Variants in EZH2 observed in about 807,000 individuals in gnomAD.
EZH2 encodes enhancer of zeste 2 polycomb repressive complex 2 subunit, also known as histone-lysine N-methyltransferase EZH2.
A neutral mutation model predicts 98.4 loss-of-function variants in EZH2; 18 were observed. The observed-to-expected ratio is 0.18, with a 90% confidence interval of 0.13 to 0.27. The LOEUF (loss-of-function observed/expected upper bound fraction) is 0.27, where lower values mean the gene tolerates loss of function less well. EZH2 is among the 10% of genes least tolerant of loss of function. EZH2 has a pLI of 1.00. For synonymous variants in EZH2, 338 were observed against 312.3 expected, an observed-to-expected ratio of 1.08 and a Z score of -0.87; for missense variants, 470 against 935.1, an observed-to-expected ratio of 0.50 and a Z score of 6.49.
intron 1 of EZH2, among the ~76,000 whole-genome samples, chr7:148,859,505 A>AAC (rs138967139): frequency 2.0e-5 from 3 of 150,172 alleles, no homozygotes; most frequent in African/African-American, 4.9e-5. Context: ...TCTGTCTCAA[A>AAC]AACAACAACA....
chr7:148,860,917 C>A (rs1419149803), intron 1 of EZH2, among the ~76,000 whole-genome samples: 1 of 152,118 alleles, frequency 6.6e-6, no homozygotes, highest in African/African-American at 2.4e-5. Flanking sequence ...AAACAATCAC[C>A]TCACCTTGGC....
chr7:148,830,554 A>G (rs1809082025), intron 4 of EZH2, among the ~76,000 whole-genome samples: 1 of 152,250 alleles, frequency 6.6e-6, no homozygotes, highest in Non-Finnish European at 1.5e-5. Context: ...CAGAGTATTG[A>G]TAGTCCATTA....
intron 5 of EZH2, among the ~76,000 whole-genome samples, chr7:148,829,112 T>C (rs1808575983): frequency 6.6e-6 from 1 of 152,168 alleles, no homozygotes; most frequent in Admixed American, 6.5e-5. Context: ...TCCCCAAAAC[T>C]TTCTAGTAGA....
Position 148,836,902 on chromosome 7 carries a change from T to G in EZH2, c.247-4152A>C. 1.6e-5 allele frequency: 8 copies of G among 512,706 alleles called. 1 individual carries two copies. Among genetic ancestry groups the G allele is most frequent in the South Asian group, 1.2e-4 (8 of 65,038 alleles). The allele number at this position is 512,706 out of a possible 1,614,324, so 31.8% of individuals were successfully genotyped here. On this transcript the variant is annotated intron_variant, in intron 3 of 19. Coordinates refer to ENST00000320356, the MANE Select transcript of EZH2 (RefSeq NM_004456.5). ...GGGAAGTCAAGCCAAAAATAGTAGT[T>G]GTAGGAGTACACAACCAAACTGAGA...
intron 8 of EZH2, among the ~76,000 whole-genome samples, chr7:148,824,398 A>C (rs1807080565): frequency 6.6e-6 from 1 of 151,542 alleles, no homozygotes; most frequent in Non-Finnish European, 1.5e-5. Context: ...GACCGCATAT[A>C]CAACAGTGGT....
intron 1 of EZH2, among the ~76,000 whole-genome samples, chr7:148,856,064 A>T (rs1430259469): frequency 2.6e-5 from 4 of 152,096 alleles, no homozygotes; most frequent in Non-Finnish European, 4.4e-5. Context: ...ATGTCAGGGG[A>T]TCTCAGGATA....
At position 148,810,861 on chromosome 7, in the gene EZH2, A is replaced by C. The variant is rs368745330; in HGVS notation, c.1948-447T>G. 4.0e-4 allele frequency among the ~76,000 whole-genome samples: 54 copies of C among 136,536 alleles called. No homozygotes were observed. The East Asian group carries it at 8.7e-3, about 22-fold the overall frequency. The allele number at this position is 136,536 out of a possible 152,430, so 89.6% of individuals were successfully genotyped here. ...CGGTGAGCCAAAATCACGCCATTGC[A>C]CTCCGGCCTGGGCAACAAGAGCGAA... On this transcript the variant is annotated intron_variant, in intron 16 of 19. Transcript: ENST00000320356.
intron 8 of EZH2, among the ~76,000 whole-genome samples, chr7:148,823,337 C>G (rs552022555): frequency 6.6e-6 from 1 of 152,276 alleles, no homozygotes; most frequent in South Asian, 2.1e-4. Context: ...TCCAAATGGT[C>G]ACCATTAGAG....
intron 1 of EZH2, among the ~76,000 whole-genome samples, chr7:148,872,530 C>T (rs1819573897): frequency 6.6e-6 from 1 of 152,108 alleles, no homozygotes; most frequent in Non-Finnish European, 1.5e-5. Context: ...GATTTAGAAA[C>T]TACATGTATA....
intron 7 of EZH2, 33 bp from the exon 8 acceptor site, chr7:148,826,665 T>A (rs535187418): frequency 2.1e-6 from 3 of 1,428,446 alleles, no homozygotes; most frequent in South Asian, 1.8e-5. Flanking sequence ...TAAGTAAACA[T>A]GAAACAAAAA....
chr7:148,836,594 G>A (rs754578144), intron 3 of EZH2, among the ~76,000 whole-genome samples: 21 of 152,120 alleles, frequency 1.4e-4, no homozygotes, highest in South Asian at 2.1e-4. Flanking sequence ...TCAGAGCCAT[G>A]TGTCCTGGAC....
intron 1 of EZH2, among the ~76,000 whole-genome samples, chr7:148,873,378 G>A (rs1038483337): frequency 1.3e-5 from 2 of 151,098 alleles, no homozygotes; most frequent in African/African-American, 4.9e-5. Flanking sequence ...TGTAATCCCA[G>A]CTACCTGGGA....
rs115736806 is a variant in EZH2 at position 148,872,133 on chromosome 7, G to A, written c.-8+12031C>T. ...TTAAAATGCAGTCTATACATACAAC[G>A]AAATAGTATACAGCCTTTACAGAAA... On this transcript the variant is annotated intron_variant, in intron 1 of 19. Coordinates refer to ENST00000320356, the MANE Select transcript of EZH2 (RefSeq NM_004456.5). Among the ~76,000 whole-genome samples the A allele has an allele frequency of 1.5e-3, 229 of 152,238 alleles. 2 individuals carry two copies. The highest frequency in any genetic ancestry group is 5.3e-3 in the African/African-American group (220 of 41,544).
chr7:148,855,409 G>A (rs1168223044), intron 1 of EZH2, among the ~76,000 whole-genome samples: 1 of 152,144 alleles, frequency 6.6e-6, no homozygotes, highest in Non-Finnish European at 1.5e-5. Flanking sequence ...TCATTCCCTG[G>A]GTTCAGATCC....
At chr7:148,880,068 T>C (rs1820751331) in intron 1 of EZH2, among the ~76,000 whole-genome samples, 1 of 152,230 alleles carries the variant, frequency 6.6e-6, no homozygotes, top group South Asian at 2.1e-4. Flanking sequence ...ATGATCTTGT[T>C]CTGTCTTGCT....
chr7:148,868,107 T>C (rs577439485), intron 1 of EZH2, among the ~76,000 whole-genome samples: 2 of 152,364 alleles, frequency 1.3e-5, no homozygotes, highest in Admixed American at 1.3e-4. Context: ...TGTCTTGTTC[T>C]GAGCCCTCCA....
At chr7:148,866,012 C>T (rs1237817593) in intron 1 of EZH2, among the ~76,000 whole-genome samples, 1 of 152,176 alleles carries the variant, frequency 6.6e-6, no homozygotes, top group Non-Finnish European at 1.5e-5. Context: ...TCTTCAGAAA[C>T]TCCTCTGGCT....
chr7:148,832,796 C>T, intron 3 of EZH2, 46 bp from the exon 4 acceptor site: 3 of 1,227,818 alleles, frequency 2.4e-6, no homozygotes, highest in Non-Finnish European at 2.3e-6. Context: ...AAAAGGACAA[C>T]CTTAAGCTGT....
rs893180024 is a variant in EZH2, at chr7:148,862,930, T to A, written c.-7-15625A>T. ...TTGTTTTTGTTTTGTTTTGTTTTTTTAAAAAAAAGCAAGGAACAACTCAGT... is the reference window on the plus strand; with the variant it reads ...TTGTTTTTGTTTTGTTTTGTTTTTTAAAAAAAAAGCAAGGAACAACTCAGT... On this transcript the variant is annotated intron_variant, in intron 1 of 19. Transcript: ENST00000320356. 4.6e-5 allele frequency among the ~76,000 whole-genome samples: 7 copies of A among 151,414 alleles called. No homozygotes were observed. The East Asian group carries it at 1.2e-3, about 25-fold the overall frequency.
Sources: allele counts gnomAD v4.1 joint callset (sites outside exome capture counted in the v4.1 genomes callset), GRCh38; gene constraint gnomAD v4.1.1; transcripts MANE v1.5; gene names NCBI Gene and HGNC (gene_info 2026-07-23, HGNC 2026-07-21).